Variants in SGIP1 observed in about 807,000 individuals in gnomAD.
SGIP1 encodes SH3-containing GRB2-like protein 3-interacting protein 1.
In SGIP1, 38 loss-of-function variants were observed where a neutral mutation model predicts 107.5. The ratio of observed to expected loss-of-function variants is 0.35; its 90% CI spans 0.27 to 0.46. The LOEUF (loss-of-function observed/expected upper bound fraction) is 0.46, where lower values mean the gene tolerates loss of function less well. SGIP1 is among the 20% of genes least tolerant of loss of function. The pLI is 1.00. For synonymous variants in SGIP1, 365 were observed against 366.1 expected (o/e 1.00, Z 0.03); for missense variants, 929 against 1,019.5 (o/e 0.91, Z 1.21).
chr1:66,590,241 G>GGATA (rs1424842623), intron 1 of SGIP1, among the ~76,000 whole-genome samples: 1 of 152,100 alleles, frequency 6.6e-6, no homozygotes, highest in Non-Finnish European at 1.5e-5. Flanking sequence ...ATGGCCCACT[G>GGATA]GATAATCCTA....
Position 66,660,523 on chromosome 1 carries a change from C to A in SGIP1, c.470C>A (p.Pro157Gln), listed in dbSNP as rs752860265. 4 of 1,610,374 alleles carry A rather than the reference C, an allele frequency of 2.5e-6. No individual in the cohort carries two copies. The highest frequency in any genetic ancestry group is 3.4e-6 in the Non-Finnish European group (4 of 1,176,744). The part of the protein sequence containing the change: ...ALSPSPVRKS[P>Q]RRSPGAIKRN... ...TGCCTACGCTTTTAGAGGAAAAGTC[C>A]GGTAAGAAATAAGTCCTTCCCGCTT... The change falls in exon 8 of 25, where the codon CCG becomes CAG. Residue 157 changes from proline to glutamine, a missense_variant and splice_region_variant. Physicochemically the swap from Pro to Gln is moderately conservative, Grantham distance 76. Around this residue, in one of 2 missense-constraint regions of SGIP1, gnomAD observed 588 missense variants for 588.6 expected, o/e 1.00. Transcript: ENST00000371037.
At chr1:66,560,773 T>C (rs2058817573) in intron 1 of SGIP1, among the ~76,000 whole-genome samples, 1 of 152,106 alleles carries the variant, frequency 6.6e-6, no homozygotes, top group African/African-American at 2.4e-5. Context: ...CCCAACTACC[T>C]GGGTTAAATC....
At chr1:66,710,593 T>G (rs1226362221) in intron 18 of SGIP1, among the ~76,000 whole-genome samples, 2 of 152,156 alleles carry the variant, frequency 1.3e-5, no homozygotes, top group Non-Finnish European at 2.9e-5. Context: ...TTAACACTAG[T>G]GTCCATCCCC....
At chr1:66,722,131 G>A (rs1482963715) in intron 19 of SGIP1, among the ~76,000 whole-genome samples, 1 of 151,926 alleles carries the variant, frequency 6.6e-6, no homozygotes, top group East Asian at 1.9e-4. Context: ...ATGGCCTCAT[G>A]GCGTCTCTCT....
chr1:66,725,169 A>G (rs946753207), intron 19 of SGIP1, among the ~76,000 whole-genome samples: 1 of 152,204 alleles, frequency 6.6e-6, no homozygotes, highest in African/African-American at 2.4e-5. Flanking sequence ...CATTCAGAGC[A>G]CTACAAAGTT....
At chr1:66,737,088 T>C (rs1405898198) in intron 21 of SGIP1, among the ~76,000 whole-genome samples, 1 of 152,152 alleles carries the variant, frequency 6.6e-6, no homozygotes, top group African/African-American at 2.4e-5. Context: ...GCTTTATGCT[T>C]TGGGAGAAAT....
chr1:66,722,508 T>C (rs1258664344), intron 19 of SGIP1, among the ~76,000 whole-genome samples: 1 of 152,196 alleles, frequency 6.6e-6, no homozygotes. Flanking sequence ...AAGGCATATT[T>C]GCTGAACAAG....
chr1:66,616,317 C>T lies in SGIP1; in HGVS notation c.11-9530C>T, dbSNP rs373515582. ...CTAAAGGAATAGAGTTATGAGGCTC[C>T]TGTAAGTGTCATTTAGTGTCTTTTA... On this transcript the variant is annotated intron_variant, in intron 1 of 24. Transcript: ENST00000371037. Among the ~76,000 whole-genome samples, 38 of 152,154 alleles carry T rather than the reference C, an allele frequency of 2.5e-4. No homozygotes were observed. In the South Asian group the frequency reaches 7.5e-3, roughly 30 times the overall value.
At chr1:66,738,740 A>G (rs1228968406) in intron 21 of SGIP1, among the ~76,000 whole-genome samples, 1 of 152,188 alleles carries the variant, frequency 6.6e-6, no homozygotes, top group Non-Finnish European at 1.5e-5. Context: ...GTGAAATCCC[A>G]AAGGAGTAAT....
intron 1 of SGIP1, among the ~76,000 whole-genome samples, chr1:66,546,922 C>G (rs2056511581): frequency 6.6e-6 from 1 of 152,170 alleles, no homozygotes; most frequent in East Asian, 1.9e-4. Flanking sequence ...GTCATCACCT[C>G]TCTATTTTCC....
chr1:66,672,134 C>T (rs1253163790), intron 11 of SGIP1, 139 bp downstream of exon 11: 4 of 747,060 alleles, frequency 5.4e-6, no homozygotes, highest in Non-Finnish European at 9.2e-6. Context: ...ATGTCCACAG[C>T]ATGGTCCAAA....
intron 1 of SGIP1, among the ~76,000 whole-genome samples, chr1:66,615,781 G>T (rs993428879): frequency 2.0e-5 from 3 of 152,172 alleles, no homozygotes; most frequent in African/African-American, 7.2e-5. Flanking sequence ...GAGATGGAAG[G>T]ATGTGAAGAA....
intron 1 of SGIP1, among the ~76,000 whole-genome samples, chr1:66,551,610 A>G (rs1414044115): frequency 6.6e-6 from 1 of 152,194 alleles, no homozygotes; most frequent in East Asian, 1.9e-4. Context: ...TATACATTTA[A>G]GAAATATGTA....
At chr1:66,652,385 T>A (rs2078925546) in intron 7 of SGIP1, among the ~76,000 whole-genome samples, 1 of 152,016 alleles carries the variant, frequency 6.6e-6, no homozygotes, top group Non-Finnish European at 1.5e-5. Context: ...CTGAGAGAAA[T>A]GATGTGAGAG....
At chr1:66,731,639 T>G (rs1305285447) in intron 20 of SGIP1, among the ~76,000 whole-genome samples, 1 of 152,156 alleles carries the variant, frequency 6.6e-6, no homozygotes, top group African/African-American at 2.4e-5. Context: ...ATCTATAGAC[T>G]CTTTAGTTTC....
At chr1:66,646,951 C>T (rs1490398833) in intron 7 of SGIP1, among the ~76,000 whole-genome samples, 1 of 152,164 alleles carries the variant, frequency 6.6e-6, no homozygotes, top group African/African-American at 2.4e-5. Context: ...TTATCATGTT[C>T]CAGCCTGCTG....
chr1:66,744,500 C>T lies in SGIP1; in HGVS notation c.*1405C>T, dbSNP rs1347324229. 1 of 151,886 alleles carries T rather than the reference C, an allele frequency of 6.6e-6. No homozygotes were observed. The highest frequency in any genetic ancestry group is 2.4e-5 in the African/African-American group (1 of 41,390). The allele number at this position is 151,886 out of a possible 1,614,324, so 9.4% of individuals were successfully genotyped here. A position where few individuals can be genotyped will look rare whatever the true frequency, so the allele number is the denominator to read the frequency against. ...GTCATAGAACTTATTTAAACATAAACCAATTTCTATTACAGGTTATGCTAT... is the reference window on the plus strand; with the variant it reads ...GTCATAGAACTTATTTAAACATAAATCAATTTCTATTACAGGTTATGCTAT... On this transcript the variant is annotated 3_prime_UTR_variant, in exon 25 of 25. Coordinates refer to ENST00000371037, the MANE Select transcript of SGIP1 (RefSeq NM_032291.4).
chr1:66,644,835 T>C (rs1338599859), intron 7 of SGIP1, among the ~76,000 whole-genome samples: 1 of 152,182 alleles, frequency 6.6e-6, no homozygotes, highest in Non-Finnish European at 1.5e-5. Context: ...TTTAAGGTGA[T>C]TTTTAATCAT....
chr1:66,566,492 C>T (rs551797904), intron 1 of SGIP1, among the ~76,000 whole-genome samples: 32 of 152,006 alleles, frequency 2.1e-4, no homozygotes, highest in Non-Finnish European at 3.4e-4. Context: ...TATTAATCCT[C>T]GTATGCAGCA....
Sources: allele counts gnomAD v4.1 joint callset (sites outside exome capture counted in the v4.1 genomes callset), GRCh38; gene constraint gnomAD v4.1.1; regional missense constraint gnomAD v4.1.1; transcripts MANE v1.5; gene names NCBI Gene and HGNC (gene_info 2026-07-23, HGNC 2026-07-21).